Variants in BMAL2 observed in about 807,000 individuals in gnomAD.
The protein encoded by BMAL2 is basic helix-loop-helix ARNT like 2.
the BMAL2 span, among the ~76,000 whole-genome samples, chr12:27,341,204 G>A: frequency 0.014 from 2,147 of 152,246 alleles, 28 homozygotes; most frequent in Middle Eastern, 0.041. Context: ...GGGGAATGCT[G>A]CCAGCTTTTG....
At chr12:27,422,962 G>C in the BMAL2 span, 3 of 152,220 alleles carry the variant, frequency 2.0e-5, no homozygotes, top group Non-Finnish European at 4.4e-5. Flanking sequence ...TTTGCAAGAG[G>C]AGGGGCTGTT....
At chr12:27,420,376 G>A in the BMAL2 span, 13 of 1,613,458 alleles carry the variant, frequency 8.1e-6, no homozygotes, top group Non-Finnish European at 1.1e-5. Flanking sequence ...ACTTACACAG[G>A]CCTGTATTTT....
At chr12:27,372,259 A>G in the BMAL2 span, among the ~76,000 whole-genome samples, 1 of 149,770 alleles carries the variant, frequency 6.7e-6, no homozygotes, top group East Asian at 2.0e-4. Context: ...GTGGAATTAT[A>G]TGATGTTTGT....
chr12:27,376,286 A>G, the BMAL2 span: 2 of 1,437,770 alleles, frequency 1.4e-6, no homozygotes, highest in South Asian at 1.2e-5. Flanking sequence ...CTATTTCTCT[A>G]TCAAGAACTA....
chr12:27,372,971 C>T, the BMAL2 span, among the ~76,000 whole-genome samples: 73 of 152,170 alleles, frequency 4.8e-4, no homozygotes, highest in Non-Finnish European at 6.8e-4. Flanking sequence ...CTGCGCCCAG[C>T]CAATACTTAT....
the BMAL2 span, among the ~76,000 whole-genome samples, chr12:27,372,559 G>A: frequency 6.6e-6 from 1 of 152,184 alleles, no homozygotes; most frequent in South Asian, 2.1e-4. Context: ...ATTCTGTTTA[G>A]TTTTTGAGGA....
the BMAL2 span, chr12:27,400,550 T>G: frequency 6.2e-7 from 1 of 1,606,580 alleles, no homozygotes; most frequent in Non-Finnish European, 8.5e-7. Context: ...GAAAATTCTA[T>G]ACTATCCATT....
chr12:27,403,691 T>C, the BMAL2 span: 4 of 456,000 alleles, frequency 8.8e-6, no homozygotes, highest in African/African-American at 8.1e-5. Context: ...CAAAAAGATA[T>C]AAATTTTATA....
At chr12:27,333,947 A>G in the BMAL2 span, among the ~76,000 whole-genome samples, 1 of 152,246 alleles carries the variant, frequency 6.6e-6, no homozygotes, top group Non-Finnish European at 1.5e-5. Flanking sequence ...GTTGTTTAAG[A>G]CAAATGAGAG....
chr12:27,341,221 C>G, the BMAL2 span, among the ~76,000 whole-genome samples: 1 of 150,062 alleles, frequency 6.7e-6, no homozygotes, highest in African/African-American at 2.4e-5. Flanking sequence ...TTTGCTCATT[C>G]AGTATGATGG....
At chr12:27,398,085 G>A in the BMAL2 span, among the ~76,000 whole-genome samples, 2 of 152,156 alleles carry the variant, frequency 1.3e-5, no homozygotes, top group Non-Finnish European at 2.9e-5. Flanking sequence ...TCTCTTCCGT[G>A]TCTCATTTCC....
At chr12:27,371,480 A>G in the BMAL2 span, among the ~76,000 whole-genome samples, 1 of 152,216 alleles carries the variant, frequency 6.6e-6, no homozygotes, top group Non-Finnish European at 1.5e-5. Context: ...TCAGGAAATG[A>G]GTGGTTGTCA....
the BMAL2 span, among the ~76,000 whole-genome samples, chr12:27,360,815 A>AAAAAC: frequency 3.3e-5 from 5 of 149,394 alleles, 1 homozygote; most frequent in African/African-American, 9.7e-5. Context: ...AAAAAAAAAA[A>AAAAAC]AAAAAAAAAA....
the BMAL2 span, among the ~76,000 whole-genome samples, chr12:27,361,028 C>T: frequency 1.9e-3 from 295 of 151,980 alleles, no homozygotes; most frequent in African/African-American, 6.5e-3. Context: ...CTATTGGCTA[C>T]GAAAGTAGGT....
chr12:27,333,386 G>C, the BMAL2 span, among the ~76,000 whole-genome samples: 1 of 152,314 alleles, frequency 6.6e-6, no homozygotes, highest in South Asian at 2.1e-4. Context: ...GTCCCGGGCC[G>C]GGCGCATTGG....
At chr12:27,355,382 C>T in the BMAL2 span, among the ~76,000 whole-genome samples, 2 of 152,200 alleles carry the variant, frequency 1.3e-5, no homozygotes, top group African/African-American at 4.8e-5. Flanking sequence ...CTGAACTTCT[C>T]TCTGCAAATC....
At chr12:27,414,914 T>C in the BMAL2 span, among the ~76,000 whole-genome samples, 3 of 151,972 alleles carry the variant, frequency 2.0e-5, no homozygotes, top group African/African-American at 7.3e-5. Flanking sequence ...AAATTATAAA[T>C]AGTGACAATA....
chr12:27,367,067 A>G, the BMAL2 span, among the ~76,000 whole-genome samples: 10 of 152,362 alleles, frequency 6.6e-5, no homozygotes, highest in South Asian at 2.1e-3. Context: ...AGTTTAATTT[A>G]TAAATTCAGC....
chr12:27,394,955 C>A, the BMAL2 span, among the ~76,000 whole-genome samples: 2 of 152,234 alleles, frequency 1.3e-5, no homozygotes, highest in Non-Finnish European at 2.9e-5. Flanking sequence ...AGAACCCAGC[C>A]CTGCTGACAC....
Sources: allele counts gnomAD v4.1 joint callset (sites outside exome capture counted in the v4.1 genomes callset), GRCh38; gene constraint gnomAD v4.1.1; transcripts MANE v1.5; gene names NCBI Gene and HGNC (gene_info 2026-07-23, HGNC 2026-07-21).